The following MAGEF1 variants were observed in gnomAD, a reference collection of about 807,000 sequenced individuals.
The protein encoded by MAGEF1 is MAGE family member F1, also known as melanoma-associated antigen F1.
For synonymous variants in MAGEF1, 150 were observed against 163.6 expected (o/e 0.92, Z 0.63); for missense variants, 418 against 399.5 (o/e 1.05, Z -0.39).
chr3:184,711,866 T>A lies in MAGEF1; in HGVS notation c.-45A>T, dbSNP rs1319640258. 6.9e-7 allele frequency: 1 copy of A among 1,441,288 alleles called. No individual in the cohort carries two copies. The highest frequency in any genetic ancestry group is 1.6e-5 in the South Asian group (1 of 63,410). 89.3% of individuals were successfully genotyped at this position (1,441,288 alleles called of 1,614,324 possible). A position where few individuals can be genotyped will look rare whatever the true frequency, so the allele number is the denominator to read the frequency against. ...CAGAGCGCGTACACGGGCCGAGGGG[T>A]GTGGGAGCCGCCGCGCAAGCCCCGG... is the stretch of plus-strand genomic sequence containing the variant. On this transcript the variant is annotated 5_prime_UTR_variant, in exon 1 of 1. Coordinates refer to ENST00000317897, the MANE Select transcript of MAGEF1 (RefSeq NM_022149.5).
chr3:184,711,233 C>T lies in MAGEF1; in HGVS notation c.589G>A (p.Gly197Arg). 6.2e-7 allele frequency: 1 copy of T among 1,614,130 alleles called. No individual in the cohort carries two copies. The highest frequency in any genetic ancestry group is 8.5e-7 in the Non-Finnish European group (1 of 1,180,032). ...AQVWEMLRRL[G>R]VQPSKYHFLF... Reference sequence around the variant, plus strand: ...AAATGATACTTTGAGGGTTGCACCCCCAACCGACGCAGCATCTCCCAGACC... The same window carrying T: ...AAATGATACTTTGAGGGTTGCACCCTCAACCGACGCAGCATCTCCCAGACC... The change falls in exon 1 of 1, where the codon GGG (glycine) becomes AGG (arginine). Residue 197 changes from glycine to arginine, a missense_variant. By Grantham distance (125) the Gly-to-Arg change is moderately radical. Coordinates refer to ENST00000317897, the MANE Select transcript of MAGEF1 (RefSeq NM_022149.5).
the MAGEF1 span, chr3:184,711,393 G>GT: frequency 6.2e-7 from 1 of 1,614,198 alleles, no homozygotes; most frequent in Non-Finnish European, 8.5e-7. Context: ...TGATCAGGAT[G>GT]TAAGTGTGGT....
chr3:184,710,663 A>T lies in MAGEF1; in HGVS notation c.*235T>A. On this transcript the variant is annotated 3_prime_UTR_variant, in exon 1 of 1. Transcript: ENST00000317897. Reference sequence around the variant, plus strand: ...AATACAAAGTTCTTCCATCCATTTTACAAAACCAGCAAAACTCTACAATAA... The same window carrying T: ...AATACAAAGTTCTTCCATCCATTTTTCAAAACCAGCAAAACTCTACAATAA... 1 of 552,246 alleles carries T rather than the reference A, an allele frequency of 1.8e-6. No individual in the cohort carries two copies. The highest frequency in any genetic ancestry group is 2.8e-6 in the Non-Finnish European group (1 of 358,026). The allele number at this position is 552,246 out of a possible 1,614,324, so 34.2% of individuals were successfully genotyped here.
Position 184,711,232 on chromosome 3 carries a change from C to G in MAGEF1, c.590G>C (p.Gly197Ala). Residue 197 changes from glycine to alanine, a missense_variant, in exon 1 of 1, where the codon GGG (glycine) becomes GCG (alanine). Gly to Ala is a moderately conservative substitution (Grantham distance 60). Transcript: ENST00000317897. ...AQVWEMLRRL[G>A]VQPSKYHFLF... ...GAAATGATACTTTGAGGGTTGCACC[C>G]CCAACCGACGCAGCATCTCCCAGAC... 1 of 1,614,148 alleles carries G rather than the reference C, an allele frequency of 6.2e-7. No individual in the cohort carries two copies. Among genetic ancestry groups the G allele is most frequent in the Non-Finnish European group, 8.5e-7 (1 of 1,180,026 alleles).
Position 184,711,212 on chromosome 3 carries a change from G to T in MAGEF1, c.610C>A (p.His204Asn), listed in dbSNP as rs1333787043. ...RRLGVQPSKY[H>N]FLFGYPKRLI... is the part of the protein sequence containing the mutation. ...CTCTTCGGATACCCAAAGAGGAAAT[G>T]ATACTTTGAGGGTTGCACCCCCAAC... Residue 204 changes from histidine (H) to asparagine (N), a missense_variant, in exon 1 of 1, where the codon CAT becomes AAT. Coordinates refer to ENST00000317897, the MANE Select transcript of MAGEF1 (RefSeq NM_022149.5). 2 of 1,614,166 alleles carry T rather than the reference G, an allele frequency of 1.2e-6. No individual in the cohort carries two copies. The highest frequency in any genetic ancestry group is 2.2e-5 in the East Asian group (1 of 44,880).
At position 184,711,572 on chromosome 3, in the gene MAGEF1, C is replaced by A; in HGVS notation, c.250G>T (p.Val84Leu). 6.2e-7 allele frequency: 1 copy of A among 1,614,028 alleles called. No homozygotes were observed. The highest frequency in any genetic ancestry group is 8.5e-7 in the Non-Finnish European group (1 of 1,180,042). ...TTGTCTTTCACCAGGAGGAACTGCACCAACTCCGCCACCGTCCGATTCAGC... is the reference window on the plus strand; with the variant it reads ...TTGTCTTTCACCAGGAGGAACTGCAACAACTCCGCCACCGTCCGATTCAGC... ...RRLNRTVAEL[V>L]QFLLVKDKKK... The change falls in exon 1 of 1, where the codon GTG becomes TTG. Residue 84 changes from valine to leucine, a missense_variant. Physicochemically the swap from Val to Leu is conservative, Grantham distance 32. Transcript: ENST00000317897.
At position 184,711,486 on chromosome 3, in the gene MAGEF1, A is replaced by T. The variant is rs1452094638; in HGVS notation, c.336T>A (p.Ile112=). ...CCCTTGCGATGATGTCCGGGAACAG[A>T]ATCTTCAAGTCTCCAATAACGTATT... ...MVKYVIGDLK[I]LFPDIIARAA... The change falls in exon 1 of 1, where the codon ATT becomes ATA. Residue 112 remains isoleucine (I), a synonymous_variant. Transcript: ENST00000317897. The T allele has an allele frequency of 1.9e-6, 3 of 1,614,002 alleles. No homozygotes were observed. Among genetic ancestry groups the T allele is most frequent in the Non-Finnish European group, 1.7e-6 (2 of 1,180,040 alleles).
chr3:184,711,320 C>A lies in MAGEF1; in HGVS notation c.502G>T (p.Gly168Cys). 6.2e-7 allele frequency: 1 copy of A among 1,612,676 alleles called. No homozygotes were observed. Among genetic ancestry groups the A allele is most frequent in the Admixed American group, 1.7e-5 (1 of 59,854 alleles). Residue 168 changes from glycine to cysteine, a missense_variant, in exon 1 of 1, where the codon GGT (glycine) becomes TGT (cysteine). Transcript: ENST00000317897. ...EDLGGDGPRL[G>C]LLMMILGLIY... ...AGGCCCAGGATCATCATTAACAGAC[C>A]CAATCTGGGGCCATCTCCTCCCAGA...
Position 184,711,345 on chromosome 3 carries a change from A to ATCT in MAGEF1, c.476_477insAGA (p.Glu158dup), listed in dbSNP as rs1712217529. On this transcript the variant is annotated inframe_insertion, in exon 1 of 1. Transcript: ENST00000317897. ...CCAATCTGGGGCCATCTCCTCCCAG[A>ATCT]TCCTCCTCCTCCTCCTCCTCCAGAG... 3 of 1,567,480 alleles carry ATCT rather than the reference A, an allele frequency of 1.9e-6. No homozygotes were observed. The highest frequency in any genetic ancestry group is 1.1e-5 in the South Asian group (1 of 89,428).
rs755992553 is a variant in MAGEF1, at chr3:184,710,870, G to T, written c.*28C>A. On this transcript the variant is annotated 3_prime_UTR_variant, in exon 1 of 1. Transcript: ENST00000317897. Reference sequence around the variant, plus strand: ...CAGGACAGTAGTTCGTCCTCACGGGGACCCACTGGCCAACTTTTCACCAAC... The same window carrying T: ...CAGGACAGTAGTTCGTCCTCACGGGTACCCACTGGCCAACTTTTCACCAAC... The T allele has an allele frequency of 3.3e-6, 5 of 1,534,904 alleles. No individual in the cohort carries two copies. The highest frequency in any genetic ancestry group is 4.4e-6 in the Non-Finnish European group (5 of 1,140,380).
chr3:184,711,742 G>C lies in MAGEF1; in HGVS notation c.80C>G (p.Thr27Ser). 6.5e-7 allele frequency: 1 copy of C among 1,528,712 alleles called. No individual in the cohort carries two copies. Among genetic ancestry groups the C allele is most frequent in the South Asian group, 1.3e-5 (1 of 76,274 alleles). 94.7% of individuals were successfully genotyped at this position (1,528,712 alleles called of 1,614,324 possible). A position where few individuals can be genotyped will look rare whatever the true frequency, so the allele number is the denominator to read the frequency against. The change falls in exon 1 of 1, where the codon ACC (threonine) becomes AGC (serine). Residue 27 changes from threonine to serine, a missense_variant. Coordinates refer to ENST00000317897, the MANE Select transcript of MAGEF1 (RefSeq NM_022149.5). The stretch of plus-strand genomic sequence containing the variant: ...CTCCTGCGAGGCGGTCGGGGCCCGG[G>C]TCTCACCATCATGGCCGCCATCCTT... ...GEKDGGHDGETRAPTASQERP... is the reference protein window; with the variant it reads ...GEKDGGHDGESRAPTASQERP...
Position 184,710,677 on chromosome 3 carries a change from A to T in MAGEF1, c.*221T>A. 1 of 662,044 alleles carries T rather than the reference A, an allele frequency of 1.5e-6. No homozygotes were observed. The highest frequency in any genetic ancestry group is 1.9e-5 in the African/African-American group (1 of 53,804). The allele number at this position is 662,044 out of a possible 1,614,324, so 41.0% of individuals were successfully genotyped here. A position where few individuals can be genotyped will look rare whatever the true frequency, so the allele number is the denominator to read the frequency against. On this transcript the variant is annotated 3_prime_UTR_variant, in exon 1 of 1. Coordinates refer to ENST00000317897, the MANE Select transcript of MAGEF1 (RefSeq NM_022149.5). ...CCATCCATTTTACAAAACCAGCAAA[A>T]CTCTACAATAAAATCCTACAGGAAA...
chr3:184,711,894 G>A lies in MAGEF1; in HGVS notation c.-73C>T. Reference sequence around the variant, plus strand: ...GGGAGCCGCCGCGCAAGCCCCGGGGGAGGGGTTGGACAGCGGCAGTGACGG... The same window carrying A: ...GGGAGCCGCCGCGCAAGCCCCGGGGAAGGGGTTGGACAGCGGCAGTGACGG... On this transcript the variant is annotated 5_prime_UTR_variant, in exon 1 of 1. Transcript: ENST00000317897. The A allele has an allele frequency of 1.4e-6, 2 of 1,433,526 alleles. No individual in the cohort carries two copies. The highest frequency in any genetic ancestry group is 1.8e-6 in the Non-Finnish European group (2 of 1,093,474). 88.8% of individuals were successfully genotyped at this position (1,433,526 alleles called of 1,614,324 possible).
rs1205557638 is a variant in MAGEF1 at position 184,711,764 on chromosome 3, CCTT to C, written c.55_57del (p.Lys19del). 2.0e-6 allele frequency: 3 copies of C among 1,521,798 alleles called. No individual in the cohort carries two copies. The African/African-American group carries it at 4.2e-5, about 21-fold the overall frequency. 94.3% of individuals were successfully genotyped at this position (1,521,798 alleles called of 1,614,324 possible). On this transcript the variant is annotated inframe_deletion, in exon 1 of 1. Coordinates refer to ENST00000317897, the MANE Select transcript of MAGEF1 (RefSeq NM_022149.5). The stretch of plus-strand genomic sequence containing the variant: ...CGGGTCTCACCATCATGGCCGCCAT[CCTT>C]CTCCCCCTCGGCCTGCGGGACCGGG...
Position 184,711,904 on chromosome 3 carries a change from A to G in MAGEF1, c.-83T>C. ...GCGCAAGCCCCGGGGGAGGGGTTGGACAGCGGCAGTGACGGCGGGAGTACA... is the reference window on the plus strand; with the variant it reads ...GCGCAAGCCCCGGGGGAGGGGTTGGGCAGCGGCAGTGACGGCGGGAGTACA... On this transcript the variant is annotated 5_prime_UTR_variant, in exon 1 of 1. Coordinates refer to ENST00000317897, the MANE Select transcript of MAGEF1 (RefSeq NM_022149.5). The G allele has an allele frequency of 6.3e-6, 9 of 1,421,068 alleles. No individual in the cohort carries two copies. Among genetic ancestry groups the G allele is most frequent in the Non-Finnish European group, 8.3e-6 (9 of 1,087,502 alleles). 88.0% of individuals were successfully genotyped at this position (1,421,068 alleles called of 1,614,324 possible).
chr3:184,710,756 A>G lies in MAGEF1; in HGVS notation c.*142T>C. On this transcript the variant is annotated 3_prime_UTR_variant, in exon 1 of 1. Transcript: ENST00000317897. Reference sequence around the variant, plus strand: ...ATTTTAACAGTAATTATTAAATGTTACAAAACATAAGATACAAAATCTAAA... The same window carrying G: ...ATTTTAACAGTAATTATTAAATGTTGCAAAACATAAGATACAAAATCTAAA... 5 of 1,278,088 alleles carry G rather than the reference A, an allele frequency of 3.9e-6. No individual in the cohort carries two copies. The highest frequency in any genetic ancestry group is 1.5e-5 in the African/African-American group (1 of 67,054). The allele number at this position is 1,278,088 out of a possible 1,614,324, so 79.2% of individuals were successfully genotyped here.
At position 184,711,204 on chromosome 3, in the gene MAGEF1, G is replaced by C. The variant is rs1168830344; in HGVS notation, c.618C>G (p.Leu206=). Residue 206 remains leucine (L), a synonymous_variant, in exon 1 of 1, where the codon CTC becomes CTG. Coordinates refer to ENST00000317897, the MANE Select transcript of MAGEF1 (RefSeq NM_022149.5). The part of the protein sequence containing the change: ...LGVQPSKYHF[L]FGYPKRLIME... Reference sequence around the variant, plus strand: ...TAATAAGCCTCTTCGGATACCCAAAGAGGAAATGATACTTTGAGGGTTGCA... The same window carrying C: ...TAATAAGCCTCTTCGGATACCCAAACAGGAAATGATACTTTGAGGGTTGCA... 6.2e-7 allele frequency: 1 copy of C among 1,614,192 alleles called. No individual in the cohort carries two copies. Among genetic ancestry groups the C allele is most frequent in the Non-Finnish European group, 8.5e-7 (1 of 1,180,038 alleles).
Position 184,711,996 on chromosome 3 carries a change from G to T in MAGEF1, c.-175C>A. 8.7e-7 allele frequency: 1 copy of T among 1,147,120 alleles called. No individual in the cohort carries two copies. The highest frequency in any genetic ancestry group is 1.1e-6 in the Non-Finnish European group (1 of 888,366). 71.1% of individuals were successfully genotyped at this position (1,147,120 alleles called of 1,614,324 possible). A position where few individuals can be genotyped will look rare whatever the true frequency, so the allele number is the denominator to read the frequency against. ...CCGCACGGGAGTCAAACCTGCGGCC[G>T]CAACGCCGCCAGCAGCCGGAACCTG... On this transcript the variant is annotated 5_prime_UTR_variant, in exon 1 of 1. Coordinates refer to ENST00000317897, the MANE Select transcript of MAGEF1 (RefSeq NM_022149.5).
chr3:184,711,855 G>C lies in MAGEF1; in HGVS notation c.-34C>G. 2.1e-6 allele frequency: 3 copies of C among 1,456,194 alleles called. No homozygotes were observed. Among genetic ancestry groups the C allele is most frequent in the Non-Finnish European group, 2.7e-6 (3 of 1,103,946 alleles). The allele number at this position is 1,456,194 out of a possible 1,614,324, so 90.2% of individuals were successfully genotyped here. A position where few individuals can be genotyped will look rare whatever the true frequency, so the allele number is the denominator to read the frequency against. On this transcript the variant is annotated 5_prime_UTR_variant, in exon 1 of 1. Transcript: ENST00000317897. ...GCAGGCAGGTGCAGAGCGCGTACAC[G>C]GGCCGAGGGGTGTGGGAGCCGCCGC...
Sources: gnomAD v4.1 joint callset for allele counts on GRCh38, gnomAD v4.1.1 for gene constraint, MANE v1.5 for transcripts, NCBI Gene and HGNC (gene_info 2026-07-23, HGNC 2026-07-21) for gene names.